Variants in CENPP observed in about 807,000 individuals in gnomAD.
CENPP encodes the protein centromere protein P.
In CENPP, 24 loss-of-function variants were observed where a neutral mutation model predicts 35.6. That is an observed-to-expected ratio of 0.67 (90% CI 0.49 to 0.95). The LOEUF (loss-of-function observed/expected upper bound fraction) is 0.95, where lower values mean the gene tolerates loss of function less well. Ranked by LOEUF, CENPP falls within the 40% of genes least tolerant of loss-of-function variation. The pLI, the probability that CENPP is intolerant of heterozygous loss-of-function variation, is 0.00. For synonymous variants in CENPP, 120 were observed against 125.5 expected (o/e 0.96, Z 0.29); for missense variants, 332 against 345.3 (o/e 0.96, Z 0.31).
chr9:92,502,431 C>T lies in CENPP; in HGVS notation c.565-108883C>T, dbSNP rs1488138723. On this transcript the variant is annotated intron_variant, in intron 5 of 7. Coordinates refer to ENST00000375587, the MANE Select transcript of CENPP (RefSeq NM_001012267.3). ...GTATCGTCACCTCCCTCACTTATCC[C>T]ATTCCCAGTTTCCATACTCTGTTTA... is the stretch of plus-strand genomic sequence containing the variant. 4.6e-6 allele frequency: 7 copies of T among 1,517,392 alleles called. No homozygotes were observed. In the East Asian group the frequency reaches 6.8e-5, roughly 15 times the overall value. 94.0% of individuals were successfully genotyped at this position (1,517,392 alleles called of 1,614,324 possible). A position where few individuals can be genotyped will look rare whatever the true frequency, so the allele number is the denominator to read the frequency against.
chr9:92,537,191 G>C (rs1047473991), intron 5 of CENPP, among the ~76,000 whole-genome samples: 2 of 151,570 alleles, frequency 1.3e-5, no homozygotes, highest in African/African-American at 2.4e-5. Flanking sequence ...TTCTTATATC[G>C]TTATTTCAGG....
intron 5 of CENPP, among the ~76,000 whole-genome samples, chr9:92,412,641 G>A (rs989625258): frequency 1.3e-5 from 2 of 152,148 alleles, no homozygotes; most frequent in African/African-American, 2.4e-5. Flanking sequence ...TTCTTTCACT[G>A]AGCATAATGT....
intron 1 of CENPP, among the ~76,000 whole-genome samples, chr9:92,327,621 T>G (rs1840601972): frequency 1.3e-5 from 2 of 152,224 alleles, no homozygotes; most frequent in Admixed American, 1.3e-4. Flanking sequence ...CAAAGGTACT[T>G]AAGTACACAG....
chr9:92,474,907 G>C (rs1321625941), intron 5 of CENPP: 2 of 1,605,608 alleles, frequency 1.2e-6, no homozygotes. Context: ...TGGTGTCTTA[G>C]TGTAGAAGAC....
At chr9:92,540,138 G>A (rs911934523) in intron 5 of CENPP, among the ~76,000 whole-genome samples, 1 of 152,146 alleles carries the variant, frequency 6.6e-6, no homozygotes, top group African/African-American at 2.4e-5. Flanking sequence ...TCCCATTGAA[G>A]TAAGAAAGAA....
chr9:92,496,295 C>A, intron 5 of CENPP: 2 of 1,561,722 alleles, frequency 1.3e-6, no homozygotes, highest in South Asian at 1.2e-5. Flanking sequence ...AGTTTATAAA[C>A]AGCAAAGGAA....
chr9:92,535,874 C>T, intron 5 of CENPP: 7 of 397,606 alleles, frequency 1.8e-5, no homozygotes, highest in Admixed American at 7.1e-5. Flanking sequence ...AATAAAATAC[C>T]CAAATATTAA....
At chr9:92,567,393 T>TATATATATATATATAG (rs1554688302) in intron 5 of CENPP, among the ~76,000 whole-genome samples, 2 of 124,924 alleles carry the variant, frequency 1.6e-5, no homozygotes, top group South Asian at 4.5e-4. Flanking sequence ...TATATATATA[T>TATATATATATATATAG]ATAGATATAT....
At chr9:92,517,584 TCTGA>T (rs1177294310) in intron 5 of CENPP, 3 of 1,498,074 alleles carry the variant, frequency 2.0e-6, no homozygotes, top group Non-Finnish European at 2.7e-6. Context: ...AGTACTCAGA[TCTGA>T]CTAATGTATC....
At chr9:92,532,013 A>ATGTTTTTTTTTT (rs1563990152) in intron 5 of CENPP, among the ~76,000 whole-genome samples, 13 of 68,952 alleles carry the variant, frequency 1.9e-4, no homozygotes, top group African/African-American at 1.4e-3. Context: ...TTTTTATTTA[A>ATGTTTTTTTTTT]TGTTTTTTTT....
In CENPP at chr9:92,482,852, C is replaced by G. The variant is rs1845956206; in HGVS notation, c.564+102993C>G. Among the ~76,000 whole-genome samples, 7 of 151,956 alleles carry G rather than the reference C, an allele frequency of 4.6e-5. No individual in the cohort carries two copies. In the South Asian group the frequency reaches 1.5e-3, roughly 31 times the overall value. ...AACTTCAGATGTACCTGAGAAAGAACCATACTTTTTTTTTCTTCTAATGAC... is the reference window on the plus strand; with the variant it reads ...AACTTCAGATGTACCTGAGAAAGAAGCATACTTTTTTTTTCTTCTAATGAC... On this transcript the variant is annotated intron_variant, in intron 5 of 7. Coordinates refer to ENST00000375587, the MANE Select transcript of CENPP (RefSeq NM_001012267.3).
At chr9:92,404,622 A>G in intron 5 of CENPP, 1 of 1,282,044 alleles carries the variant, frequency 7.8e-7, no homozygotes, top group Non-Finnish European at 1.0e-6. Flanking sequence ...GTAAAATTTC[A>G]GGGCCCAGCA....
intron 5 of CENPP, among the ~76,000 whole-genome samples, chr9:92,608,641 G>A (rs1851148652): frequency 6.6e-6 from 1 of 152,144 alleles, no homozygotes; most frequent in African/African-American, 2.4e-5. Context: ...TCTATTTCAA[G>A]TTATCAGTGA....
At chr9:92,365,985 C>G (rs1051769604) in intron 4 of CENPP, among the ~76,000 whole-genome samples, 1 of 151,490 alleles carries the variant, frequency 6.6e-6, no homozygotes, top group South Asian at 2.1e-4. Context: ...TCGAGACCAT[C>G]CTGGCTAACA....
intron 5 of CENPP, chr9:92,600,617 G>A (rs1237114355): frequency 8.9e-5 from 138 of 1,555,534 alleles, no homozygotes; most frequent in Middle Eastern, 2.2e-4. Flanking sequence ...GAAAGACAGC[G>A]CAAGTCATGC....
chr9:92,545,285 C>A (rs1360248984), intron 5 of CENPP, among the ~76,000 whole-genome samples: 11 of 151,880 alleles, frequency 7.2e-5, no homozygotes. Flanking sequence ...GAGGTACGGG[C>A]GGGAACCAGG....
intron 5 of CENPP, among the ~76,000 whole-genome samples, chr9:92,467,795 T>C (rs1845369688): frequency 6.6e-6 from 1 of 152,192 alleles, no homozygotes; most frequent in African/African-American, 2.4e-5. Flanking sequence ...TATATCACTA[T>C]TGCTAAAAGT....
At chr9:92,610,559 A>G (rs1415624544) in intron 5 of CENPP, 1 of 152,246 alleles carries the variant, frequency 6.6e-6, no homozygotes, top group Non-Finnish European at 1.5e-5. Context: ...TTCATAGCGC[A>G]TGGGGGAAAC....
At chr9:92,551,018 A>G (rs1384196677) in intron 5 of CENPP, among the ~76,000 whole-genome samples, 2 of 152,172 alleles carry the variant, frequency 1.3e-5, no homozygotes, top group African/African-American at 4.8e-5. Flanking sequence ...GAGCCAGGGA[A>G]GAGGAATGCA....
Sources: gnomAD v4.1 joint callset for allele counts (sites outside exome capture counted in the v4.1 genomes callset) on GRCh38, gnomAD v4.1.1 for gene constraint, MANE v1.5 for transcripts, NCBI Gene and HGNC (gene_info 2026-07-23, HGNC 2026-07-21) for gene names.